The following CCSER1 variants were observed in gnomAD, a reference collection of about 807,000 sequenced individuals.
CCSER1 encodes the protein serine-rich coiled-coil domain-containing protein 1.
In CCSER1, 41 loss-of-function variants were observed where a neutral mutation model predicts 82.0. That is an observed-to-expected ratio of 0.50 (90% CI 0.39 to 0.65). CCSER1 has a LOEUF of 0.65. CCSER1 is among the 30% of genes least tolerant of loss of function. The pLI is 0.00. For missense variants in CCSER1, 1,119 were observed against 1,064.2 expected (o/e 1.05, Z -0.72); for synonymous variants, 414 against 383.9 (o/e 1.08, Z -0.92).
intron 10 of CCSER1, among the ~76,000 whole-genome samples, chr4:91,166,621 T>G (rs1445654451): frequency 6.6e-6 from 1 of 152,344 alleles, no homozygotes; most frequent in South Asian, 2.1e-4. Flanking sequence ...TATTTCAGAA[T>G]AATATGTTTA....
intron 1 of CCSER1, among the ~76,000 whole-genome samples, chr4:90,188,192 G>C (rs1350522761): frequency 6.6e-6 from 1 of 151,704 alleles, no homozygotes; most frequent in African/African-American, 2.4e-5. Context: ...TCCTGCTTGG[G>C]TTATGAGGTA....
intron 10 of CCSER1, among the ~76,000 whole-genome samples, chr4:91,096,745 C>T (rs1204341095): frequency 2.0e-5 from 3 of 152,072 alleles, no homozygotes; most frequent in African/African-American, 7.2e-5. Context: ...TACATTTTGC[C>T]TGGCCCATGT....
chr4:90,699,481 T>G (rs1392562360), intron 6 of CCSER1, among the ~76,000 whole-genome samples: 1 of 152,142 alleles, frequency 6.6e-6, no homozygotes, highest in Non-Finnish European at 1.5e-5. Context: ...AGGGTTAGAC[T>G]TCCCCCAAAC....
chr4:91,155,053 A>T (rs1025016920), intron 10 of CCSER1, among the ~76,000 whole-genome samples: 12 of 151,674 alleles, frequency 7.9e-5, no homozygotes, highest in Non-Finnish European at 1.6e-4. Flanking sequence ...AAATCCTAAA[A>T]CCTAGAGGCT....
At chr4:91,440,670 T>C (rs4393935) in intron 10 of CCSER1, among the ~76,000 whole-genome samples, 1 of 152,180 alleles carries the variant, frequency 6.6e-6, no homozygotes, top group East Asian at 1.9e-4. Flanking sequence ...AAAAAATTAA[T>C]GAATCCAGGA....
chr4:90,285,638 A>G (rs539611227), intron 1 of CCSER1, among the ~76,000 whole-genome samples: 7 of 152,086 alleles, frequency 4.6e-5, no homozygotes, highest in African/African-American at 1.7e-4. Context: ...TTATTTATTC[A>G]GCTTGTCTAA....
At chr4:90,636,242 A>G (rs940851512) in intron 6 of CCSER1, among the ~76,000 whole-genome samples, 7 of 152,002 alleles carry the variant, frequency 4.6e-5, no homozygotes, top group Admixed American at 1.3e-4. Flanking sequence ...CCAAAGTGAC[A>G]TAAGAAATTG....
intron 10 of CCSER1, among the ~76,000 whole-genome samples, chr4:91,538,395 T>G (rs1761404793): frequency 3.3e-5 from 5 of 151,904 alleles, no homozygotes; most frequent in Admixed American, 2.0e-4. Flanking sequence ...TGAATAAGTT[T>G]GTTCTGAAAC....
At chr4:90,836,433 T>G (rs1290753184) in intron 8 of CCSER1, among the ~76,000 whole-genome samples, 4 of 152,170 alleles carry the variant, frequency 2.6e-5, no homozygotes, top group Admixed American at 2.6e-4. Flanking sequence ...AGAGTCACCT[T>G]TCCCCCCACT....
chr4:90,415,015 G>T (rs1461748934), intron 4 of CCSER1, among the ~76,000 whole-genome samples: 1 of 152,024 alleles, frequency 6.6e-6, no homozygotes, highest in African/African-American at 2.4e-5. Flanking sequence ...ATAAGATGAG[G>T]CTATGGATAA....
chr4:91,228,395 T>A (rs1738372067), intron 10 of CCSER1, among the ~76,000 whole-genome samples: 1 of 152,030 alleles, frequency 6.6e-6, no homozygotes, highest in Non-Finnish European at 1.5e-5. Context: ...AAAATTTAAA[T>A]ATAATTTTCA....
chr4:91,057,967 G>A (rs940848555), intron 9 of CCSER1, among the ~76,000 whole-genome samples: 2 of 152,014 alleles, frequency 1.3e-5, no homozygotes, highest in African/African-American at 4.8e-5. Context: ...TCTGTCTTAT[G>A]GTAACATCTG....
intron 7 of CCSER1, among the ~76,000 whole-genome samples, chr4:90,724,388 A>G (rs772420714): frequency 1.3e-5 from 2 of 151,982 alleles, no homozygotes; most frequent in African/African-American, 4.8e-5. Flanking sequence ...ATAATTAATG[A>G]TGTAATCCTT....
intron 5 of CCSER1, among the ~76,000 whole-genome samples, chr4:90,469,659 C>T (rs1025983795): frequency 6.6e-6 from 1 of 151,384 alleles, no homozygotes; most frequent in Non-Finnish European, 1.5e-5. Context: ...TCTAATAATC[C>T]ATAAAGTTCT....
chr4:91,199,631 T>C (rs1466749187), intron 10 of CCSER1, among the ~76,000 whole-genome samples: 1 of 152,098 alleles, frequency 6.6e-6, no homozygotes, highest in Non-Finnish European at 1.5e-5. Flanking sequence ...AAAAATGTTT[T>C]ACTCTGCTGT....
chr4:91,471,721 T>C (rs1170636923), intron 10 of CCSER1, among the ~76,000 whole-genome samples: 1 of 152,024 alleles, frequency 6.6e-6, no homozygotes, highest in African/African-American at 2.4e-5. Flanking sequence ...TGCATAAGGA[T>C]AAATTTTTGC....
At chr4:90,467,700 C>CAA (rs201951035) in intron 4 of CCSER1, among the ~76,000 whole-genome samples, 31 of 141,966 alleles carry the variant, frequency 2.2e-4, no homozygotes, top group African/African-American at 5.1e-4. Flanking sequence ...AAAACAAAAC[C>CAA]AAAAAAAAAA....
chr4:90,622,352 G>A (rs974507387), intron 5 of CCSER1, among the ~76,000 whole-genome samples: 1 of 152,130 alleles, frequency 6.6e-6, no homozygotes, highest in Non-Finnish European at 1.5e-5. Context: ...CATGTGCCAT[G>A]TTGGTGTGCT....
At chr4:90,874,829 C>A (rs879677834) in intron 8 of CCSER1, among the ~76,000 whole-genome samples, 17 of 152,050 alleles carry the variant, frequency 1.1e-4, no homozygotes, top group South Asian at 4.1e-4. Context: ...AGGCGGATCA[C>A]AAGGTCAAGA....
Sources: allele counts gnomAD v4.1 joint callset (sites outside exome capture counted in the v4.1 genomes callset), GRCh38; gene constraint gnomAD v4.1.1; transcripts MANE v1.5; gene names NCBI Gene and HGNC (gene_info 2026-07-23, HGNC 2026-07-21).